The following NOX4 variants were observed in gnomAD, a reference collection of about 807,000 sequenced individuals.
The protein encoded by NOX4 is NADPH oxidase 4, also known as kidney oxidase-1.
NOX4 carries 69 observed loss-of-function variants against 87.6 expected under a neutral mutation model. The ratio of observed to expected loss-of-function variants is 0.79; its 90% CI spans 0.65 to 0.96. The LOEUF is 0.96. NOX4 is among the 40% of genes least tolerant of loss of function. The pLI, the probability that NOX4 is intolerant of heterozygous loss-of-function variation, is 0.00. For synonymous variants in NOX4, 275 were observed against 238.2 expected (o/e 1.15, Z -1.42); for missense variants, 680 against 681.5 (o/e 1.00, Z 0.02).
chr11:89,565,609 A>C, the NOX4 span, among the ~76,000 whole-genome samples: 1 of 152,140 alleles, frequency 6.6e-6, no homozygotes, highest in African/African-American at 2.4e-5. Flanking sequence ...CATTTGCTAC[A>C]AGTTTTTGCA....
At chr11:89,519,760 A>T in the NOX4 span, among the ~76,000 whole-genome samples, 1 of 152,038 alleles carries the variant, frequency 6.6e-6, no homozygotes, top group Non-Finnish European at 1.5e-5. Flanking sequence ...TATTTCAAAT[A>T]TATAACATTT....
intron 6 of NOX4, among the ~76,000 whole-genome samples, chr11:89,440,138 A>G (rs554641823): frequency 6.6e-6 from 1 of 151,994 alleles, no homozygotes; most frequent in South Asian, 2.1e-4. Context: ...AGTGAAATGT[A>G]TTTGCTTATT....
intron 13 of NOX4, among the ~76,000 whole-genome samples, 185 bp downstream of exon 13, chr11:89,354,777 T>C (rs1471825551): frequency 2.6e-5 from 4 of 152,188 alleles, no homozygotes; most frequent in African/African-American, 7.2e-5. Context: ...TAAGTATTTC[T>C]TCTATGACCC....
the NOX4 span, among the ~76,000 whole-genome samples, chr11:89,516,707 G>C: frequency 6.6e-6 from 1 of 152,036 alleles, no homozygotes; most frequent in South Asian, 2.1e-4. Context: ...AGGGTTTATA[G>C]TCATATTTTG....
chr11:89,361,802 T>C (rs1938545263), intron 12 of NOX4, among the ~76,000 whole-genome samples: 2 of 152,092 alleles, frequency 1.3e-5, no homozygotes, highest in South Asian at 4.1e-4. Flanking sequence ...GAAAATAAGC[T>C]AGGGGTCATG....
intron 2 of NOX4, among the ~76,000 whole-genome samples, chr11:89,467,695 C>T (rs1945766096): frequency 6.6e-6 from 1 of 152,174 alleles, no homozygotes; most frequent in African/African-American, 2.4e-5. Flanking sequence ...CCAAAGGCTC[C>T]ACTTCCCAAC....
chr11:89,487,345 T>C (rs938509097), intron 2 of NOX4, among the ~76,000 whole-genome samples: 3 of 152,216 alleles, frequency 2.0e-5, no homozygotes, highest in African/African-American at 7.2e-5. Context: ...CATTCTTCAA[T>C]AGAAAATAGA....
intron 11 of NOX4, among the ~76,000 whole-genome samples, chr11:89,377,802 T>C (rs1939968076): frequency 1.3e-5 from 2 of 152,202 alleles, no homozygotes; most frequent in African/African-American, 4.8e-5. Context: ...TGTTCTTTAA[T>C]CATTTTTGTT....
At chr11:89,466,294 T>C (rs953413727) in intron 2 of NOX4, among the ~76,000 whole-genome samples, 7 of 152,242 alleles carry the variant, frequency 4.6e-5, no homozygotes, top group Non-Finnish European at 1.0e-4. Flanking sequence ...ATGGTTATTT[T>C]CTTAAAATCT....
At chr11:89,428,689 A>G (rs1943595228) in intron 7 of NOX4, among the ~76,000 whole-genome samples, 1 of 152,186 alleles carries the variant, frequency 6.6e-6, no homozygotes, top group African/African-American at 2.4e-5. Context: ...TATGCACCCA[A>G]TACAGGAGCA....
the NOX4 span, among the ~76,000 whole-genome samples, chr11:89,562,180 A>C: frequency 6.6e-6 from 1 of 152,160 alleles, no homozygotes; most frequent in Non-Finnish European, 1.5e-5. Flanking sequence ...ATTAATTATA[A>C]ATATTCTTCT....
At chr11:89,571,805 A>G in the NOX4 span, among the ~76,000 whole-genome samples, 2 of 152,164 alleles carry the variant, frequency 1.3e-5, no homozygotes, top group Admixed American at 6.6e-5. Context: ...TAAGGTAGCT[A>G]CAAAGATAAA....
chr11:89,580,464 G>A, the NOX4 span, among the ~76,000 whole-genome samples: 6 of 152,268 alleles, frequency 3.9e-5, no homozygotes, highest in African/African-American at 1.4e-4. Context: ...TTGCATGAGT[G>A]AGCTACTGAG....
intron 2 of NOX4, among the ~76,000 whole-genome samples, chr11:89,479,009 T>TA (rs11452819): frequency 0.23 from 32,605 of 142,050 alleles, 4,685 homozygotes; most frequent in African/African-American, 0.43. Context: ...TGTTTCATCT[T>TA]AAAAAAAAAA....
At chr11:89,479,418 A>C (rs554486243) in intron 2 of NOX4, among the ~76,000 whole-genome samples, 19 of 152,260 alleles carry the variant, frequency 1.2e-4, no homozygotes, top group African/African-American at 3.6e-4. Flanking sequence ...AAGAAAAGAG[A>C]TATAGTCAGA....
chr11:89,360,399 G>A (rs1407287429), intron 12 of NOX4, among the ~76,000 whole-genome samples: 1 of 152,098 alleles, frequency 6.6e-6, no homozygotes, highest in African/African-American at 2.4e-5. Context: ...TAATTAGCTT[G>A]AGTGTGGTAA....
chr11:89,489,700 C>A (rs1350495412), intron 2 of NOX4, among the ~76,000 whole-genome samples: 3 of 149,310 alleles, frequency 2.0e-5, no homozygotes, highest in Non-Finnish European at 4.4e-5. Context: ...TGCACTCCAG[C>A]CTGGGCATCG....
chr11:89,405,080 T>TGTGTGTGTGTGTGTGTG (rs1942092507), intron 8 of NOX4, among the ~76,000 whole-genome samples: 1 of 133,300 alleles, frequency 7.5e-6, no homozygotes. Context: ...AAAAGTCAGA[T>TGTGTGTGTGTGTGTGTG]TGTGTGTGTG....
At chr11:89,359,087 A>G (rs947082775) in intron 12 of NOX4, among the ~76,000 whole-genome samples, 4 of 152,182 alleles carry the variant, frequency 2.6e-5, no homozygotes, top group Admixed American at 2.0e-4. Context: ...CTCCCATTCA[A>G]TCAACAAAAA....
Sources: gnomAD v4.1 joint callset for allele counts (sites outside exome capture counted in the v4.1 genomes callset) on GRCh38, gnomAD v4.1.1 for gene constraint, MANE v1.5 for transcripts, NCBI Gene and HGNC (gene_info 2026-07-23, HGNC 2026-07-21) for gene names.